Variants in TANGO6 observed in about 807,000 individuals in gnomAD.
The protein encoded by TANGO6 is transport and Golgi organization protein 6 homolog.
A neutral mutation model predicts 114.2 loss-of-function variants in TANGO6; 90 were observed. The observed-to-expected ratio is 0.79, with a 90% confidence interval of 0.66 to 0.94. TANGO6 has a LOEUF of 0.94. Ranked by LOEUF, TANGO6 falls within the 40% of genes least tolerant of loss-of-function variation. The pLI is 0.00. For synonymous variants in TANGO6, 477 were observed against 509.8 expected (o/e 0.94, Z 0.87); for missense variants, 1,274 against 1,315.3 (o/e 0.97, Z 0.49).
intron 1 of TANGO6, among the ~76,000 whole-genome samples, chr16:68,852,972 T>C (rs547408226): frequency 2.6e-5 from 4 of 152,348 alleles, no homozygotes; most frequent in African/African-American, 4.8e-5. Flanking sequence ...TCAACTCATG[T>C]TTTCTCTTTT....
chr16:68,904,527 A>G (rs969742565), intron 9 of TANGO6, among the ~76,000 whole-genome samples: 3 of 152,168 alleles, frequency 2.0e-5, no homozygotes, highest in Admixed American at 2.0e-4. Context: ...TGGCACATTG[A>G]GACATACTGC....
At chr16:69,013,481 G>A (rs963064320) in intron 15 of TANGO6, among the ~76,000 whole-genome samples, 10 of 151,928 alleles carry the variant, frequency 6.6e-5, no homozygotes, top group Non-Finnish European at 1.5e-4. Flanking sequence ...GCTGGGCGTG[G>A]TGGCATGCGC....
chr16:68,862,023 A>T (rs938342859), intron 2 of TANGO6, among the ~76,000 whole-genome samples: 5 of 149,108 alleles, frequency 3.4e-5, no homozygotes, highest in African/African-American at 4.9e-5. Flanking sequence ...TTTTTTTTTA[A>T]TTTTTTTTTT....
At chr16:68,946,397 T>G (rs1000239237) in intron 14 of TANGO6, among the ~76,000 whole-genome samples, 1 of 152,024 alleles carries the variant, frequency 6.6e-6, no homozygotes, top group Non-Finnish European at 1.5e-5. Flanking sequence ...GGTTTCACTG[T>G]GTTAGCCAGG....
chr16:69,053,470 C>T (rs1959986139), intron 17 of TANGO6, among the ~76,000 whole-genome samples: 2 of 152,102 alleles, frequency 1.3e-5, no homozygotes, highest in Admixed American at 1.3e-4. Context: ...CCAATCTTTG[C>T]TGAAAGTTTA....
intron 14 of TANGO6, among the ~76,000 whole-genome samples, chr16:68,970,698 C>T (rs930445130): frequency 1.4e-5 from 2 of 145,866 alleles, no homozygotes; most frequent in East Asian, 4.0e-4. Flanking sequence ...CTATGTTAAA[C>T]AACAGTAAGA....
chr16:68,926,824 A>G (rs1021622952), intron 12 of TANGO6: 10 of 152,216 alleles, frequency 6.6e-5, no homozygotes, highest in African/African-American at 2.4e-4. Context: ...GTTTTCAAAC[A>G]GAAAAGTATT....
At chr16:69,027,081 C>T (rs1959513821) in intron 16 of TANGO6, among the ~76,000 whole-genome samples, 1 of 152,134 alleles carries the variant, frequency 6.6e-6, no homozygotes, top group Admixed American at 6.5e-5. Context: ...CAGCTGGCCT[C>T]GAACTCCTGA....
chr16:69,076,015 G>C (rs543341784), intron 17 of TANGO6, among the ~76,000 whole-genome samples: 1 of 145,652 alleles, frequency 6.9e-6, no homozygotes, highest in African/African-American at 2.5e-5. Flanking sequence ...TTCCCACCTC[G>C]CCCTCCCAAA....
intron 17 of TANGO6, among the ~76,000 whole-genome samples, chr16:69,075,827 C>T (rs964083286): frequency 1.4e-5 from 2 of 147,288 alleles, no homozygotes. Flanking sequence ...AGTACAGTGG[C>T]TCAGTCTCAG....
rs192516044 is a variant in TANGO6 at position 68,943,449 on chromosome 16, C to T, written c.2701+13154C>T. On this transcript the variant is annotated intron_variant, in intron 14 of 17. Coordinates refer to ENST00000261778, the MANE Select transcript of TANGO6 (RefSeq NM_024562.2). ...CGCAGTCTTGGCTCCCTGCAAGCTC[C>T]GCCTCCTGGGTTCACACCATTCTCC... Among the ~76,000 whole-genome samples, 72 of 151,016 alleles carry T rather than the reference C, an allele frequency of 4.8e-4. No homozygotes were observed. The East Asian group carries it at 0.013, about 27-fold the overall frequency.
chr16:68,885,223 G>A (rs1277165307), intron 7 of TANGO6, among the ~76,000 whole-genome samples: 2 of 152,162 alleles, frequency 1.3e-5, no homozygotes, highest in Non-Finnish European at 2.9e-5. Context: ...TAATTTTAGA[G>A]AAGCATTTGG....
intron 14 of TANGO6, among the ~76,000 whole-genome samples, chr16:68,930,560 C>T (rs1325393730): frequency 1.3e-5 from 2 of 151,540 alleles, no homozygotes; most frequent in African/African-American, 4.9e-5. Flanking sequence ...CGTATTTCCT[C>T]TAATTCAAGG....
chr16:68,952,442 A>G (rs1032380098), intron 14 of TANGO6, among the ~76,000 whole-genome samples: 1 of 152,128 alleles, frequency 6.6e-6, no homozygotes, highest in Non-Finnish European at 1.5e-5. Flanking sequence ...CTTCATCTCA[A>G]ATACAAATTA....
chr16:69,039,055 G>T (rs1176806227), intron 16 of TANGO6, among the ~76,000 whole-genome samples: 1 of 152,060 alleles, frequency 6.6e-6, no homozygotes, highest in East Asian at 1.9e-4. Flanking sequence ...TGTGGTGGCG[G>T]ATGCCTGTAG....
In TANGO6 at chr16:68,878,152, C is replaced by A; in HGVS notation, c.1166C>A (p.Thr389Lys). Residue 389 changes from threonine to lysine, a missense_variant, in exon 6 of 18, where the codon ACA (threonine) becomes AAA (lysine). Physicochemically the swap from Thr to Lys is moderately conservative, Grantham distance 78. Around this residue, in one of 5 missense-constraint regions of TANGO6, gnomAD observed 908 missense variants for 910.2 expected, o/e 1.00. Coordinates refer to ENST00000261778, the MANE Select transcript of TANGO6 (RefSeq NM_024562.2). ...LDLFHFQDKL[T>K]ARQFQRVATT... is the part of the protein sequence containing the mutation. ...TTATTTCACTTTCAAGATAAATTGACAGCACGACAATTTCAGAGAGTTGCC... is the reference window on the plus strand; with the variant it reads ...TTATTTCACTTTCAAGATAAATTGAAAGCACGACAATTTCAGAGAGTTGCC... 6.2e-7 allele frequency: 1 copy of A among 1,610,686 alleles called. No homozygotes were observed. Among genetic ancestry groups the A allele is most frequent in the Non-Finnish European group, 8.5e-7 (1 of 1,178,816 alleles).
intron 12 of TANGO6, 151 bp from the exon 13 acceptor site, chr16:68,927,417 A>G: frequency 1.4e-6 from 1 of 720,662 alleles, no homozygotes; most frequent in Non-Finnish European, 2.3e-6. Flanking sequence ...AACAAATGGT[A>G]TTCAGTGCTG....
At chr16:68,925,824 C>T (rs1308765926) in intron 12 of TANGO6, among the ~76,000 whole-genome samples, 1 of 150,608 alleles carries the variant, frequency 6.6e-6, no homozygotes, top group Non-Finnish European at 1.5e-5. Flanking sequence ...CATTTTTTCA[C>T]ATGTGCATGC....
intron 14 of TANGO6, chr16:68,933,871 C>T (rs138931904): frequency 6.6e-6 from 1 of 152,338 alleles, no homozygotes; most frequent in African/African-American, 2.4e-5. Flanking sequence ...CTGTTTACCT[C>T]CCAGAGGCAA....
Sources: gnomAD v4.1 joint callset for allele counts (sites outside exome capture counted in the v4.1 genomes callset) on GRCh38, gnomAD v4.1.1 for gene constraint, gnomAD v4.1.1 regional missense constraint, MANE v1.5 for transcripts, NCBI Gene and HGNC (gene_info 2026-07-23, HGNC 2026-07-21) for gene names.